The following COMMD1 variants were observed in gnomAD, a reference collection of about 807,000 sequenced individuals.
COMMD1 encodes the protein copper metabolism domain containing 1.
Under a neutral mutation model 17.2 loss-of-function variants are expected in COMMD1, and 10 were observed. The ratio of observed to expected loss-of-function variants is 0.58; its 90% CI spans 0.36 to 0.99. COMMD1 has a LOEUF of 0.99. Ranked by LOEUF, COMMD1 falls within the 50% of genes least tolerant of loss-of-function variation. COMMD1 has a pLI of 0.01. For synonymous variants in COMMD1, 97 were observed against 91.6 expected (o/e 1.06, Z -0.34); for missense variants, 270 against 231.8 (o/e 1.17, Z -1.07).
intron 2 of COMMD1, among the ~76,000 whole-genome samples, chr2:62,027,705 G>A (rs780937579): frequency 6.6e-6 from 1 of 151,734 alleles, no homozygotes; most frequent in Non-Finnish European, 1.5e-5. Context: ...ACAAGGTCTC[G>A]CTCTGTCACC....
intron 2 of COMMD1, among the ~76,000 whole-genome samples, chr2:62,057,000 G>A (rs558249703): frequency 6.6e-6 from 1 of 152,264 alleles, no homozygotes; most frequent in African/African-American, 2.4e-5. Flanking sequence ...TGCAGTGACA[G>A]CAACCAAAAC....
chr2:62,002,514 A>G (rs1360087875), intron 2 of COMMD1, among the ~76,000 whole-genome samples: 1 of 147,996 alleles, frequency 6.8e-6, no homozygotes, highest in Non-Finnish European at 1.5e-5. Context: ...AAAAAAAAAA[A>G]AAAAAAAAAA....
chr2:61,960,723 T>C (rs1671318786), intron 1 of COMMD1, among the ~76,000 whole-genome samples: 6 of 152,210 alleles, frequency 3.9e-5, no homozygotes, highest in Admixed American at 3.9e-4. Context: ...AGACCCTAAT[T>C]GCTCTGCAAT....
At chr2:61,902,647 CAGTG>C (rs376302522), upstream of COMMD1, among the ~76,000 whole-genome samples, 7 of 152,160 alleles carry the variant, frequency 4.6e-5, no homozygotes, top group Non-Finnish European at 8.8e-5. Flanking sequence ...CGAATTAAAA[CAGTG>C]AGATAATATT....
rs184393996 is a variant in COMMD1 at position 61,905,928 on chromosome 2, C to A, written c.180+70C>A. 142 of 1,485,736 alleles carry A rather than the reference C, an allele frequency of 9.6e-5. 1 individual carries two copies. The highest frequency in any genetic ancestry group is 2.7e-4 in the East Asian group (12 of 44,188). The allele number at this position is 1,485,736 out of a possible 1,614,324, so 92.0% of individuals were successfully genotyped here. On this transcript the variant is annotated intron_variant, in intron 1 of 2. Transcript: ENST00000311832. ...GGCCGCTGGCTTCAGACTCTCCCCCCCTTGCCTTCCCCTGTCCTCACAAGC... is the reference window on the plus strand; with the variant it reads ...GGCCGCTGGCTTCAGACTCTCCCCCACTTGCCTTCCCCTGTCCTCACAAGC...
At chr2:61,943,089 T>C (rs1670795868) in intron 1 of COMMD1, among the ~76,000 whole-genome samples, 4 of 152,222 alleles carry the variant, frequency 2.6e-5, no homozygotes, top group Admixed American at 2.6e-4. Context: ...AACAGCAGAC[T>C]TAAAGCAGGC....
At chr2:61,890,954 G>C (rs556306975) in intron 1 of COMMD1, among the ~76,000 whole-genome samples, 25 of 151,998 alleles carry the variant, frequency 1.6e-4, no homozygotes, top group African/African-American at 5.1e-4. Flanking sequence ...ATGGTTATTT[G>C]TTTAGACAAC....
chr2:62,043,214 G>C (rs990866432), intron 2 of COMMD1, among the ~76,000 whole-genome samples: 1 of 152,214 alleles, frequency 6.6e-6, no homozygotes, highest in African/African-American at 2.4e-5. Flanking sequence ...GATTAAACAA[G>C]AACAGCAGTT....
At chr2:62,049,518 A>G (rs1451166118) in intron 2 of COMMD1, among the ~76,000 whole-genome samples, 5 of 152,120 alleles carry the variant, frequency 3.3e-5, no homozygotes, top group Admixed American at 2.6e-4. Context: ...GGATGCTGCT[A>G]AACCTCCCCT....
intron 2 of COMMD1, among the ~76,000 whole-genome samples, chr2:62,013,289 A>G (rs1669339180): frequency 1.3e-5 from 2 of 152,150 alleles, no homozygotes; most frequent in Non-Finnish European, 2.9e-5. Flanking sequence ...AACAAAAAGA[A>G]AAACTGTTAT....
At chr2:62,090,382 A>T (rs1671792974) in intron 2 of COMMD1, among the ~76,000 whole-genome samples, 1 of 152,200 alleles carries the variant, frequency 6.6e-6, no homozygotes, top group Non-Finnish European at 1.5e-5. Context: ...GAACCCTATG[A>T]TAGATCTTAT....
Position 62,103,073 on chromosome 2 carries a change from G to C in COMMD1, c.463-32758G>C, listed in dbSNP as rs112752824. On this transcript the variant is annotated intron_variant, in intron 2 of 2. Coordinates refer to ENST00000311832, the MANE Select transcript of COMMD1 (RefSeq NM_152516.4). ...CGCTCACTGCAAGCTGCGCCTCCTG[G>C]GTTCAGGCCATTCTCCTGCCTCAGC... 8.6e-3 allele frequency among the ~76,000 whole-genome samples: 1,308 copies of C among 151,920 alleles called. 5 individuals are homozygous for C. Among genetic ancestry groups the C allele is most frequent in the Non-Finnish European group, 0.013 (898 of 67,942 alleles).
chr2:62,040,231 G>A (rs1339060385), intron 2 of COMMD1, among the ~76,000 whole-genome samples: 1 of 152,140 alleles, frequency 6.6e-6, no homozygotes, highest in Non-Finnish European at 1.5e-5. Flanking sequence ...TCCAGCCTAC[G>A]TGACAGAGTG....
At chr2:62,080,199 T>TCCC (rs67307699) in intron 2 of COMMD1, among the ~76,000 whole-genome samples, 21,478 of 151,972 alleles carry the variant, frequency 0.14, 1,627 homozygotes, top group East Asian at 0.21. Context: ...ATGCCTGTAA[T>TCCC]CCCAGTACTT....
intron 2 of COMMD1, among the ~76,000 whole-genome samples, chr2:62,065,969 G>A (rs1280675102): frequency 6.6e-6 from 1 of 152,190 alleles, no homozygotes; most frequent in Non-Finnish European, 1.5e-5. Context: ...CACAATGGAA[G>A]GAGTGTGAGA....
intron 1 of COMMD1, among the ~76,000 whole-genome samples, chr2:61,999,589 T>C (rs990738498): frequency 6.6e-6 from 1 of 152,136 alleles, no homozygotes; most frequent in African/African-American, 2.4e-5. Context: ...ATTCTTTTGT[T>C]TTATTGTTAT....
intron 2 of COMMD1, among the ~76,000 whole-genome samples, chr2:62,017,588 T>A (rs191807007): frequency 1.6e-4 from 25 of 151,894 alleles, no homozygotes; most frequent in Admixed American, 3.9e-4. Context: ...GAGGATTGCC[T>A]GGGCCCAGGA....
chr2:62,060,372 A>G (rs1380291054), intron 2 of COMMD1, among the ~76,000 whole-genome samples: 4 of 152,188 alleles, frequency 2.6e-5, no homozygotes, highest in African/African-American at 9.7e-5. Flanking sequence ...TTTCATTTAA[A>G]TTTCAGGAAT....
At chr2:61,932,151 C>A (rs537724143) in intron 1 of COMMD1, among the ~76,000 whole-genome samples, 1 of 152,204 alleles carries the variant, frequency 6.6e-6, no homozygotes, top group Non-Finnish European at 1.5e-5. Flanking sequence ...TGAGCCACCG[C>A]GTCTGGCCTT....
Sources: gnomAD v4.1 joint callset for allele counts (sites outside exome capture counted in the v4.1 genomes callset) on GRCh38, gnomAD v4.1.1 for gene constraint, MANE v1.5 for transcripts, NCBI Gene and HGNC (gene_info 2026-07-23, HGNC 2026-07-21) for gene names.